Variants in BIN1 observed in about 807,000 individuals in gnomAD.
BIN1 encodes the protein myc box-dependent-interacting protein 1.
Under a neutral mutation model 82.0 loss-of-function variants are expected in BIN1, and 53 were observed. The observed-to-expected ratio is 0.65, with a 90% confidence interval of 0.52 to 0.81. The LOEUF is 0.81. Among genes scored for constraint, BIN1 ranks in the 40% least tolerant of loss-of-function variants. The pLI is 0.00. For missense variants in BIN1, 642 were observed against 784.4 expected (o/e 0.82, Z 2.17); for synonymous variants, 302 against 328.0 (o/e 0.92, Z 0.86).
intron 1 of BIN1, among the ~76,000 whole-genome samples, chr2:127,079,247 G>A (rs1686999792): frequency 6.6e-6 from 1 of 152,212 alleles, no homozygotes; most frequent in Non-Finnish European, 1.5e-5. Context: ...GCAGTGAGAA[G>A]ACCCTTGGGA....
chr2:127,054,095 A>ACC, intron 12 of BIN1, 83 bp from the exon 13 acceptor site: 1 of 1,162,304 alleles, frequency 8.6e-7, no homozygotes, highest in Non-Finnish European at 1.3e-6. Context: ...CTGCAGGCAC[A>ACC]GGCACACGCG....
In BIN1 at chr2:127,075,633, TG is replaced by T. The variant is rs1233183507; in HGVS notation, c.165+992del. On this transcript the variant is annotated intron_variant, in intron 2 of 18. Coordinates refer to ENST00000316724, the MANE Select transcript of BIN1 (RefSeq NM_139343.3). ...TGGCAAGCCAAGGCCAACTTGGCCC[TG>T]GGGCCTCTCCCCTCTGCTCCCAGCC... Among the ~76,000 whole-genome samples the T allele has an allele frequency of 3.9e-5, 6 of 152,320 alleles. 2 individuals carry two copies.
At chr2:127,078,550 C>T (rs964332013) in intron 1 of BIN1, among the ~76,000 whole-genome samples, 1 of 152,122 alleles carries the variant, frequency 6.6e-6, no homozygotes, top group Non-Finnish European at 1.5e-5. Flanking sequence ...CAGCAGGGGG[C>T]AGGTGGGCAC....
chr2:127,090,698 G>T lies in BIN1; in HGVS notation c.85-13992C>A, dbSNP rs891750978. Among the ~76,000 whole-genome samples, 4 of 152,180 alleles carry T rather than the reference G, an allele frequency of 2.6e-5. No homozygotes were observed. The highest frequency in any genetic ancestry group is 5.9e-5 in the Non-Finnish European group (4 of 68,026). Reference sequence around the variant, plus strand: ...CAGCCAGGGCACAGCTGTGGGTGGGGGGCGGTGGCAGCTCCCCAGCAGCCA... The same window carrying T: ...CAGCCAGGGCACAGCTGTGGGTGGGTGGCGGTGGCAGCTCCCCAGCAGCCA... On this transcript the variant is annotated intron_variant, in intron 1 of 18. Coordinates refer to ENST00000316724, the MANE Select transcript of BIN1 (RefSeq NM_139343.3). The surrounding 1 kb of genome is among the most constrained non-coding windows in gnomAD (Gnocchi z 6.4).
chr2:127,057,451 G>T lies in BIN1; in HGVS notation c.1131+22C>A. 6.5e-7 allele frequency: 1 copy of T among 1,540,338 alleles called. No homozygotes were observed. The stretch of plus-strand genomic sequence containing the variant: ...AGAGGGCAGGAAGAGAGGAGAGCTG[G>T]GCCGCGGCGGCCGCGGCTGACCTGG... On this transcript the variant is annotated intron_variant, in intron 12 of 18. Transcript: ENST00000316724. This position sits in a 1 kb window ranked among gnomAD's most constrained non-coding sequence, Gnocchi z 5.0.
Position 127,050,805 on chromosome 2 carries a change from G to C in BIN1, c.1569C>G (p.Phe523Leu). 6.2e-7 allele frequency: 1 copy of C among 1,613,504 alleles called. No homozygotes were observed. Among genetic ancestry groups the C allele is most frequent in the Non-Finnish European group, 8.5e-7 (1 of 1,179,972 alleles). Residue 523 changes from phenylalanine to leucine, a missense_variant, in exon 17 of 19, where the codon TTC becomes TTG. Coordinates refer to ENST00000316724, the MANE Select transcript of BIN1 (RefSeq NM_139343.3). ...GRLDLPPGFM[F>L]KVQAQHDYTA... ...CAGTCAGAGGCTGTGGGCTCACCTT[G>C]AACATGAAACCTGGGGGCAGGTCCA...
At chr2:127,069,630 C>CACACAT (rs1349029135) in intron 5 of BIN1, among the ~76,000 whole-genome samples, 1 of 152,196 alleles carries the variant, frequency 6.6e-6, no homozygotes, top group African/African-American at 2.4e-5. Context: ...CCCTTCCAAG[C>CACACAT]ACCCATGGTG....
chr2:127,094,565 C>G (rs1679344405), intron 1 of BIN1, among the ~76,000 whole-genome samples: 1 of 152,358 alleles, frequency 6.6e-6, no homozygotes, highest in East Asian at 1.9e-4. Context: ...CTGTCTCTCC[C>G]CGCATGGCTC....
In BIN1 at chr2:127,098,116, G is replaced by A. The variant is rs368334606; in HGVS notation, c.84+8744C>T. On this transcript the variant is annotated intron_variant, in intron 1 of 18. Transcript: ENST00000316724. ...ACAGAATGACTTAGGGTGTAAATGCGAAGCCATCGCTGCCTCTACCCAGGT... is the reference window on the plus strand; with the variant it reads ...ACAGAATGACTTAGGGTGTAAATGCAAAGCCATCGCTGCCTCTACCCAGGT... Among the ~76,000 whole-genome samples, 80 of 152,342 alleles carry A rather than the reference G, an allele frequency of 5.3e-4. No individual in the cohort carries two copies. The South Asian group carries it at 9.5e-3, about 18-fold the overall frequency.
intron 12 of BIN1, 40 bp from the exon 13 acceptor site, chr2:127,054,052 T>A (rs1187683909): frequency 9.8e-6 from 15 of 1,533,486 alleles, no homozygotes; most frequent in Non-Finnish European, 1.2e-5. Flanking sequence ...AAGCAGTTAG[T>A]GTTAAGCTGG....
intron 7 of BIN1, among the ~76,000 whole-genome samples, chr2:127,065,636 AG>A (rs1422933345): frequency 6.6e-6 from 1 of 152,168 alleles, no homozygotes; most frequent in Admixed American, 6.5e-5. Context: ...TGTACCCACT[AG>A]GACCCCCTCT....
Position 127,050,479 on chromosome 2 carries a change from A to G in BIN1, c.1616T>C (p.Leu539Pro). 6.2e-7 allele frequency: 1 copy of G among 1,614,242 alleles called. No individual in the cohort carries two copies. Among genetic ancestry groups the G allele is most frequent in the Non-Finnish European group, 8.5e-7 (1 of 1,180,040 alleles). Residue 539 changes from leucine (L) to proline (P), a missense_variant, in exon 18 of 19, where the codon CTG (leucine) becomes CCG (proline). By Grantham distance (98) the Leu-to-Pro change is moderately conservative. Transcript: ENST00000316724. ...HDYTATDTDELQLKAGDVVLV... is the reference protein window; with the variant it reads ...HDYTATDTDEPQLKAGDVVLV... ...CACCACATCACCAGCCTTGAGCTGC[A>G]GCTCGTCTGTGTCAGTGGCCGTGTA...
chr2:127,065,404 G>A lies in BIN1; in HGVS notation c.613-1386C>T, dbSNP rs116345008. 3.2e-3 allele frequency among the ~76,000 whole-genome samples: 488 copies of A among 152,226 alleles called. 3 individuals are homozygous for A. Among genetic ancestry groups the A allele is most frequent in the African/African-American group, 0.011 (459 of 41,524 alleles). On this transcript the variant is annotated intron_variant, in intron 7 of 18. Transcript: ENST00000316724. ...AGGAGGGGAATACTGCCCCTCCTCCGTCTCCAGGCTATGGCTGGGCCATCC... is the reference window on the plus strand; with the variant it reads ...AGGAGGGGAATACTGCCCCTCCTCCATCTCCAGGCTATGGCTGGGCCATCC...
intron 1 of BIN1, among the ~76,000 whole-genome samples, chr2:127,080,267 G>C (rs749847377): frequency 1.1e-4 from 16 of 152,354 alleles, no homozygotes; most frequent in Middle Eastern, 6.8e-3. Context: ...CACCCCATCC[G>C]TTCCACACTT....
rs1388029180 is a variant in BIN1 at position 127,076,669 on chromosome 2, T to A, written c.122A>T (p.Asp41Val). 1 of 1,614,016 alleles carries A rather than the reference T, an allele frequency of 6.2e-7. No individual in the cohort carries two copies. The highest frequency in any genetic ancestry group is 8.5e-7 in the Non-Finnish European group (1 of 1,180,050). The change falls in exon 2 of 19, where the codon GAT becomes GTT. Residue 41 changes from aspartate (D) to valine (V), a missense_variant. Transcript: ENST00000316724. The stretch of plus-strand genomic sequence containing the variant: ...CTGGACGCACTGCTCAAACTGCTCA[T>A]CCTTGGTCTCATCTGCCTTCCCCAG... ...QKLGKADETK[D>V]EQFEQCVQNF...
chr2:127,099,322 T>C (rs565962655), intron 1 of BIN1, among the ~76,000 whole-genome samples: 1 of 151,648 alleles, frequency 6.6e-6, no homozygotes, highest in African/African-American at 2.4e-5. Flanking sequence ...GAGTATGGGA[T>C]TCCCCCCAGG....
intron 13 of BIN1, 124 bp downstream of exon 13, chr2:127,053,781 G>T: frequency 2.1e-6 from 2 of 943,324 alleles, no homozygotes; most frequent in Non-Finnish European, 3.3e-6. Context: ...GCTGAAGGCT[G>T]AGGTGCCAGG....
chr2:127,059,162 G>T lies in BIN1; in HGVS notation c.858-7C>A. 6.4e-7 allele frequency: 1 copy of T among 1,569,792 alleles called. No individual in the cohort carries two copies. ...TTTTGCAGGCGCGTTGTCACTGTGG[G>T]GGAGGACAAGAAAGGGAGCCCAGTG... On this transcript the variant is annotated splice_polypyrimidine_tract_variant and splice_region_variant and intron_variant, in intron 10 of 18. Transcript: ENST00000316724. The surrounding 1 kb of genome is among the most constrained non-coding windows in gnomAD (Gnocchi z 6.7).
intron 15 of BIN1, among the ~76,000 whole-genome samples, 196 bp downstream of exon 15, chr2:127,052,059 G>A (rs1252845782): frequency 2.0e-5 from 3 of 152,336 alleles, no homozygotes; most frequent in Admixed American, 2.0e-4. Flanking sequence ...GGGCTGATGC[G>A]CCCAGCTGCG....
Sources: gnomAD v4.1 joint callset for allele counts (sites outside exome capture counted in the v4.1 genomes callset) on GRCh38, gnomAD v4.1.1 for gene constraint, Gnocchi (gnomAD v3.1) non-coding constraint, MANE v1.5 for transcripts, NCBI Gene and HGNC (gene_info 2026-07-23, HGNC 2026-07-21) for gene names.